GALNT9: variants seen among roughly 807,000 people sequenced by gnomAD.
The protein encoded by GALNT9 is GalNAc transferase 9.
GALNT9 carries 47 observed loss-of-function variants against 63.1 expected under a neutral mutation model. The observed-to-expected ratio is 0.75, with a 90% CI of 0.59 to 0.95. The LOEUF (loss-of-function observed/expected upper bound fraction) is 0.95, where lower values mean the gene tolerates loss of function less well. GALNT9 is among the 40% of genes least tolerant of loss of function. The pLI, the probability that GALNT9 is intolerant of heterozygous loss-of-function variation, is 0.00. For synonymous variants in GALNT9, 396 were observed against 365.7 expected (o/e 1.08, Z -0.94); for missense variants, 829 against 874.8 (o/e 0.95, Z 0.66).
At position 132,296,925 on chromosome 12, in the gene GALNT9, C is replaced by G. The variant is rs1881095730; in HGVS notation, c.239-10495G>C. ...CACTCCCAAGATACCCAACTCACTC[C>G]TGAAATAACAAAGCCACTCCTCAGA... On this transcript the variant is annotated intron_variant, in intron 1 of 10. Transcript: ENST00000328957. The surrounding 1 kb of genome is among the most constrained non-coding windows in gnomAD (Gnocchi z 4.2). Among the ~76,000 whole-genome samples, 1 of 152,086 alleles carries G rather than the reference C, an allele frequency of 6.6e-6. No homozygotes were observed.
intron 6 of GALNT9, among the ~76,000 whole-genome samples, chr12:132,230,490 G>A (rs1431300864): frequency 3.3e-5 from 5 of 152,220 alleles, no homozygotes; most frequent in African/African-American, 1.2e-4. Flanking sequence ...TAACCCACGC[G>A]GGCTGGGGAG....
chr12:132,230,812 TTTG>T (rs1877862708), intron 6 of GALNT9, among the ~76,000 whole-genome samples: 1 of 152,230 alleles, frequency 6.6e-6, no homozygotes, highest in East Asian at 1.9e-4. Flanking sequence ...ATCGATTTAT[TTTG>T]TTGGTGTTTC....
At position 132,285,949 on chromosome 12, in the gene GALNT9, G is replaced by A. The variant is rs543068252; in HGVS notation, c.419+301C>T. On this transcript the variant is annotated intron_variant, in intron 2 of 10. Coordinates refer to ENST00000328957, the MANE Select transcript of GALNT9 (RefSeq NM_001122636.2). The stretch of plus-strand genomic sequence containing the variant: ...CAGGGAAGACAGAGGAGGCAGGAGG[G>A]CCCCACAGGTGGGGGCTCCTGACTG... Among the ~76,000 whole-genome samples, 11 of 152,252 alleles carry A rather than the reference G, an allele frequency of 7.2e-5. No homozygotes were observed. The East Asian group carries it at 2.1e-3, about 29-fold the overall frequency.
intron 2 of GALNT9, among the ~76,000 whole-genome samples, chr12:132,270,225 G>A (rs1013542793): frequency 2.4e-4 from 37 of 152,266 alleles, no homozygotes; most frequent in African/African-American, 8.9e-4. Context: ...CTTGGCAACA[G>A]TGAGCACCTC....
At position 132,236,295 on chromosome 12, in the gene GALNT9, G is replaced by T. The variant is rs1555236315; in HGVS notation, c.1077+11615C>A. On this transcript the variant is annotated intron_variant, in intron 6 of 10. Coordinates refer to ENST00000328957, the MANE Select transcript of GALNT9 (RefSeq NM_001122636.2). This position sits in a 1 kb window ranked among gnomAD's most constrained non-coding sequence, Gnocchi z 5.6. Reference sequence around the variant, plus strand: ...GGGAGCGGGTGGGGGCCATGGCCCTGGAGTGGGGGTCGCGGTGGGCCTGGG... The same window carrying T: ...GGGAGCGGGTGGGGGCCATGGCCCTTGAGTGGGGGTCGCGGTGGGCCTGGG... Among the ~76,000 whole-genome samples, 1 of 152,080 alleles carries T rather than the reference G, an allele frequency of 6.6e-6. No individual in the cohort carries two copies.
intron 7 of GALNT9, among the ~76,000 whole-genome samples, chr12:132,202,530 G>T (rs10902508): frequency 0.58 from 88,953 of 152,074 alleles, 26,248 homozygotes; most frequent in Non-Finnish European, 0.6. Flanking sequence ...GTGGTGGGAA[G>T]TTTTAAGAAG....
At chr12:132,228,384 CTT>C (rs1343013965) in intron 6 of GALNT9, among the ~76,000 whole-genome samples, 3 of 142,352 alleles carry the variant, frequency 2.1e-5, no homozygotes, top group African/African-American at 5.0e-5. Context: ...GGTGATACCT[CTT>C]TGCCTCTGGC....
At chr12:132,215,867 G>T (rs1044770644) in intron 6 of GALNT9, among the ~76,000 whole-genome samples, 1 of 152,158 alleles carries the variant, frequency 6.6e-6, no homozygotes, top group Non-Finnish European at 1.5e-5. Context: ...GATGGAGAGG[G>T]GGTGAGGGGG....
At position 132,207,932 on chromosome 12, in the gene GALNT9, C is replaced by A. The variant is rs11246998; in HGVS notation, c.1078-4242G>T. 4.3e-3 allele frequency among the ~76,000 whole-genome samples: 658 copies of A among 152,206 alleles called. 15 individuals carry two copies. In the East Asian group the frequency reaches 0.065, roughly 15 times the overall value. ...CCCCACCCCCCACCACGACTCCTCG[C>A]GCAAGCAGCACTGGTGTGTGGCGTC... On this transcript the variant is annotated intron_variant, in intron 6 of 10. Coordinates refer to ENST00000328957, the MANE Select transcript of GALNT9 (RefSeq NM_001122636.2).
Position 132,316,359 on chromosome 12 carries a change from A to G in GALNT9, c.238+12607T>C, listed in dbSNP as rs1868509978. On this transcript the variant is annotated intron_variant, in intron 1 of 10. Coordinates refer to ENST00000328957, the MANE Select transcript of GALNT9 (RefSeq NM_001122636.2). The surrounding 1 kb of genome is among the most constrained non-coding windows in gnomAD (Gnocchi z 4.3). Reference sequence around the variant, plus strand: ...TTTTTATGCCCCTATTCTGGGAGGAAACAGAGATCCCCTATAACCGAGCAT... The same window carrying G: ...TTTTTATGCCCCTATTCTGGGAGGAGACAGAGATCCCCTATAACCGAGCAT... Among the ~76,000 whole-genome samples, 1 of 152,156 alleles carries G rather than the reference A, an allele frequency of 6.6e-6. No homozygotes were observed. The highest frequency in any genetic ancestry group is 2.4e-5 in the African/African-American group (1 of 41,414).
intron 2 of GALNT9, chr12:132,278,293 G>A (rs1368509484): frequency 6.6e-6 from 1 of 152,248 alleles, no homozygotes; most frequent in African/African-American, 2.4e-5. Flanking sequence ...AGACTTCTGA[G>A]TTTAAAAAAA....
chr12:132,240,813 T>A lies in GALNT9; in HGVS notation c.1077+7097A>T, dbSNP rs1393606405. Reference sequence around the variant, plus strand: ...ATGTTTACACACATGCCACACACCCTTCCCAAGGCCGTCCCTATACCCATT... The same window carrying A: ...ATGTTTACACACATGCCACACACCCATCCCAAGGCCGTCCCTATACCCATT... On this transcript the variant is annotated intron_variant, in intron 6 of 10. Transcript: ENST00000328957. The A allele has an allele frequency of 7.0e-6, 3 of 429,988 alleles. No homozygotes were observed. In the East Asian group the frequency reaches 2.1e-4, roughly 30 times the overall value. 26.6% of individuals were successfully genotyped at this position (429,988 alleles called of 1,614,324 possible).
At chr12:132,256,643 G>A (rs1555239110) in intron 5 of GALNT9, among the ~76,000 whole-genome samples, 1 of 102,304 alleles carries the variant, frequency 9.8e-6, no homozygotes, top group African/African-American at 3.7e-5. Context: ...GGGGGACGCT[G>A]GAGGGGGACA....
At chr12:132,305,095 G>A (rs112003787) in intron 1 of GALNT9, among the ~76,000 whole-genome samples, 7 of 73,994 alleles carry the variant, frequency 9.5e-5, no homozygotes, top group African/African-American at 1.5e-4. Context: ...ACCCTCACCC[G>A]GGCACAGCCT....
At chr12:132,256,108 A>G (rs1555239055) in intron 5 of GALNT9, among the ~76,000 whole-genome samples, 1 of 152,090 alleles carries the variant, frequency 6.6e-6, no homozygotes, top group Non-Finnish European at 1.5e-5. Flanking sequence ...CATCCATGTG[A>G]TCTTTGCATT....
At chr12:132,223,216 GCACCCCAGACACCC>G (rs1877543167) in intron 6 of GALNT9, among the ~76,000 whole-genome samples, 76 of 30,950 alleles carry the variant, frequency 2.5e-3, no homozygotes, top group African/African-American at 6.0e-3. Flanking sequence ...TACACAACCC[GCACCCCAGACACCC>G]CACACAACCC....
intron 2 of GALNT9, among the ~76,000 whole-genome samples, chr12:132,281,062 T>G (rs1880320234): frequency 6.6e-6 from 1 of 152,198 alleles, no homozygotes; most frequent in South Asian, 2.1e-4. Context: ...CCAGTGGTTC[T>G]TCAGTGGCCC....
At chr12:132,300,455 C>T (rs1489266754) in intron 1 of GALNT9, among the ~76,000 whole-genome samples, 2 of 144,290 alleles carry the variant, frequency 1.4e-5, no homozygotes, top group African/African-American at 5.3e-5. Context: ...CAAGCCACTG[C>T]TGAGATAACC....
chr12:132,201,356 C>G, intron 7 of GALNT9, 95 bp from the exon 8 acceptor site: 1 of 754,920 alleles, frequency 1.3e-6, no homozygotes. Flanking sequence ...GACCAAGTGC[C>G]CTCACAGGAG....
Sources: gnomAD v4.1 joint callset for allele counts (sites outside exome capture counted in the v4.1 genomes callset) on GRCh38, gnomAD v4.1.1 for gene constraint, Gnocchi (gnomAD v3.1) non-coding constraint, MANE v1.5 for transcripts, NCBI Gene and HGNC (gene_info 2026-07-23, HGNC 2026-07-21) for gene names.